CDH13: variants seen among roughly 807,000 people sequenced by gnomAD.
The protein encoded by CDH13 is cadherin-13.
CDH13 carries 24 observed loss-of-function variants against 63.8 expected under a neutral mutation model. That is an observed-to-expected ratio of 0.38 (90% CI 0.27 to 0.53). The LOEUF (loss-of-function observed/expected upper bound fraction) is 0.53. Ranked by LOEUF, CDH13 falls within the 20% of genes least tolerant of loss-of-function variation. The pLI, the probability that CDH13 is intolerant of heterozygous loss-of-function variation, is 0.85. For synonymous variants in CDH13, 503 were observed against 355.3 expected, an observed-to-expected ratio of 1.42 and a Z score of -4.67; for missense variants, 1,049 against 903.1, an observed-to-expected ratio of 1.16 and a Z score of -2.07.
At chr16:83,004,805 T>A (rs1016497110) in intron 2 of CDH13, among the ~76,000 whole-genome samples, 4 of 152,170 alleles carry the variant, frequency 2.6e-5, no homozygotes, top group African/African-American at 9.6e-5. Flanking sequence ...CAAGGACTCA[T>A]GTTTTGAAAA....
intron 6 of CDH13, among the ~76,000 whole-genome samples, chr16:83,400,329 C>A (rs75338150): frequency 6.6e-6 from 1 of 152,270 alleles, no homozygotes; most frequent in Admixed American, 6.5e-5. Context: ...TTCTGGTGCT[C>A]TGATGCAGGA....
chr16:82,773,003 C>T (rs1396129274), intron 1 of CDH13, among the ~76,000 whole-genome samples: 1 of 152,146 alleles, frequency 6.6e-6, no homozygotes, highest in Non-Finnish European at 1.5e-5. Flanking sequence ...GTAGAGAGCG[C>T]ACGAGAGCCC....
chr16:83,200,471 C>T (rs1178182387), intron 4 of CDH13, among the ~76,000 whole-genome samples: 1 of 152,178 alleles, frequency 6.6e-6, no homozygotes, highest in South Asian at 2.1e-4. Context: ...CAGAACAGAT[C>T]TCCTCACTTT....
intron 2 of CDH13, among the ~76,000 whole-genome samples, chr16:83,028,550 G>A (rs937921929): frequency 6.6e-6 from 1 of 152,178 alleles, no homozygotes; most frequent in Non-Finnish European, 1.5e-5. Context: ...CTCAGGGGAT[G>A]TGTCACAAGA....
intron 2 of CDH13, among the ~76,000 whole-genome samples, chr16:82,969,691 A>C (rs1908412857): frequency 6.6e-6 from 1 of 152,006 alleles, no homozygotes; most frequent in South Asian, 2.1e-4. Context: ...TGACAATCAA[A>C]ATGTCTCCGG....
At chr16:82,667,176 G>A (rs1384847446) in intron 1 of CDH13, among the ~76,000 whole-genome samples, 1 of 152,132 alleles carries the variant, frequency 6.6e-6, no homozygotes, top group Non-Finnish European at 1.5e-5. Context: ...GCAGCAGTAG[G>A]GTATTGAAAT....
At chr16:83,225,637 C>T (rs1440941080) in intron 5 of CDH13, among the ~76,000 whole-genome samples, 1 of 152,184 alleles carries the variant, frequency 6.6e-6, no homozygotes, top group African/African-American at 2.4e-5. Flanking sequence ...TTGAACAAAG[C>T]ATTTGTGGTT....
intron 6 of CDH13, among the ~76,000 whole-genome samples, chr16:83,445,757 G>T (rs1304455433): frequency 6.6e-6 from 1 of 152,136 alleles, no homozygotes; most frequent in African/African-American, 2.4e-5. Context: ...GATCTGATAA[G>T]CATCTAAAAC....
chr16:83,002,466 G>C (rs1025270662), intron 2 of CDH13, among the ~76,000 whole-genome samples: 1 of 152,170 alleles, frequency 6.6e-6, no homozygotes, highest in Non-Finnish European at 1.5e-5. Context: ...AACTGCTAGA[G>C]AAAAATTTCT....
chr16:83,142,873 C>G (rs1318382946), intron 4 of CDH13, among the ~76,000 whole-genome samples: 5 of 152,218 alleles, frequency 3.3e-5, no homozygotes, highest in South Asian at 2.1e-4. Context: ...GAGGCCGAGG[C>G]GGGCAGATCA....
chr16:83,365,766 C>T (rs1179087676), intron 6 of CDH13, among the ~76,000 whole-genome samples: 1 of 152,130 alleles, frequency 6.6e-6, no homozygotes, highest in Non-Finnish European at 1.5e-5. Context: ...AAAGTTAGTT[C>T]AGAGGGTTGC....
chr16:83,738,866 A>G (rs1385226218), intron 10 of CDH13, among the ~76,000 whole-genome samples: 1 of 152,210 alleles, frequency 6.6e-6, no homozygotes, highest in Non-Finnish European at 1.5e-5. Flanking sequence ...AGATTGCACC[A>G]CTGCACTCCA....
intron 2 of CDH13, among the ~76,000 whole-genome samples, chr16:82,993,892 G>C (rs1040899964): frequency 1.3e-5 from 2 of 152,178 alleles, no homozygotes; most frequent in Non-Finnish European, 2.9e-5. Flanking sequence ...GGTGCACAGA[G>C]AGGGGGCTGC....
chr16:83,175,682 C>G (rs1187387771), intron 4 of CDH13, among the ~76,000 whole-genome samples: 3 of 151,970 alleles, frequency 2.0e-5, no homozygotes, highest in African/African-American at 7.2e-5. Context: ...CAAACAAACA[C>G]CGTCATTCTT....
intron 1 of CDH13, among the ~76,000 whole-genome samples, chr16:82,657,963 T>C (rs981980893): frequency 2.0e-5 from 3 of 152,238 alleles, no homozygotes; most frequent in Non-Finnish European, 4.4e-5. Context: ...TGAAAAACAA[T>C]GGTAAGAGGG....
chr16:83,393,749 G>A lies in CDH13; in HGVS notation c.781+48743G>A, dbSNP rs541527399. Among the ~76,000 whole-genome samples, 24 of 152,286 alleles carry A rather than the reference G, an allele frequency of 1.6e-4. 1 individual carries two copies. The South Asian group carries it at 2.9e-3, about 18-fold the overall frequency. On this transcript the variant is annotated intron_variant, in intron 6 of 13. Transcript: ENST00000567109. ...GAACCAGGCTCAGCCCACAATGTAT[G>A]CATTTATTCATTCATTCATTTAACA...
At chr16:83,482,666 A>T (rs190887480) in intron 6 of CDH13, among the ~76,000 whole-genome samples, 3 of 152,330 alleles carry the variant, frequency 2.0e-5, no homozygotes, top group Non-Finnish European at 4.4e-5. Context: ...CACTCAGCAG[A>T]TAGGTTGGGG....
At chr16:83,108,571 C>A (rs2034898180) in intron 3 of CDH13, among the ~76,000 whole-genome samples, 1 of 152,324 alleles carries the variant, frequency 6.6e-6, no homozygotes, top group South Asian at 2.1e-4. Flanking sequence ...GGCTCCACCC[C>A]ATCCTCCCAG....
At chr16:82,805,308 A>G (rs1011104863) in intron 1 of CDH13, among the ~76,000 whole-genome samples, 2 of 152,210 alleles carry the variant, frequency 1.3e-5, no homozygotes, top group Non-Finnish European at 2.9e-5. Flanking sequence ...CTGAAAAACA[A>G]AGTAACTGTA....
Sources: allele counts gnomAD v4.1 joint callset (sites outside exome capture counted in the v4.1 genomes callset), GRCh38; gene constraint gnomAD v4.1.1; transcripts MANE v1.5; gene names NCBI Gene and HGNC (gene_info 2026-07-23, HGNC 2026-07-21).